The following TTLL11 variants were observed in gnomAD, a reference collection of about 807,000 sequenced individuals.
TTLL11 encodes tubulin polyglutamylase TTLL11.
A neutral mutation model predicts 51.7 loss-of-function variants in TTLL11; 42 were observed. That is an observed-to-expected ratio of 0.81 (90% CI 0.64 to 1.05). The LOEUF (loss-of-function observed/expected upper bound fraction) is 1.05, where lower values mean the gene tolerates loss of function less well. Ranked by LOEUF, TTLL11 falls within the 50% of genes least tolerant of loss-of-function variation. The probability of loss-of-function intolerance (pLI) is 0.00; values close to 1 mark genes in which losing one functional copy is unlikely to be tolerated. For synonymous variants in TTLL11, 381 were observed against 383.5 expected, an observed-to-expected ratio of 0.99 and a Z score of 0.08; for missense variants, 799 against 940.4, an observed-to-expected ratio of 0.85 and a Z score of 1.97.
At chr9:122,077,018 A>G (rs997976707) in intron 1 of TTLL11, among the ~76,000 whole-genome samples, 1 of 152,208 alleles carries the variant, frequency 6.6e-6, no homozygotes, top group Non-Finnish European at 1.5e-5. Context: ...AAACAGTGGC[A>G]TATCTTCAAA....
intron 3 of TTLL11, among the ~76,000 whole-genome samples, chr9:121,990,479 C>T (rs142202710): frequency 6.6e-6 from 1 of 152,280 alleles, no homozygotes; most frequent in Non-Finnish European, 1.5e-5. Flanking sequence ...AAGTGACTTG[C>T]CAGCTAACGC....
chr9:122,021,116 T>C (rs759588215), intron 3 of TTLL11, among the ~76,000 whole-genome samples: 116 of 151,820 alleles, frequency 7.6e-4, no homozygotes, highest in Non-Finnish European at 1.4e-3. Context: ...CAAAATATGT[T>C]AACAGTTTTG....
intron 6 of TTLL11, among the ~76,000 whole-genome samples, chr9:121,959,364 G>A (rs558382111): frequency 1.8e-4 from 27 of 152,128 alleles, no homozygotes; most frequent in African/African-American, 4.1e-4. Flanking sequence ...ATGAGCCCCC[G>A]GCCCATGTAC....
At chr9:121,895,624 T>C (rs1408074917) in intron 6 of TTLL11, among the ~76,000 whole-genome samples, 1 of 150,612 alleles carries the variant, frequency 6.6e-6, no homozygotes, top group African/African-American at 2.4e-5. Flanking sequence ...TGTGAACATG[T>C]GGTCATGTGT....
At position 122,035,025 on chromosome 9, in the gene TTLL11, G is replaced by C. The variant is rs555238189; in HGVS notation, c.560-3169C>G. On this transcript the variant is annotated intron_variant, in intron 2 of 8. Transcript: ENST00000321582. ...TTACCCATTTTTCCGGTGTTCTATTGCTTGTATCCAAATGTTGGTGACCTT... is the reference window on the plus strand; with the variant it reads ...TTACCCATTTTTCCGGTGTTCTATTCCTTGTATCCAAATGTTGGTGACCTT... Among the ~76,000 whole-genome samples, 4 of 152,342 alleles carry C rather than the reference G, an allele frequency of 2.6e-5. No homozygotes were observed. In the East Asian group the frequency reaches 7.7e-4, roughly 29 times the overall value.
At chr9:121,928,821 C>T (rs1840852757) in intron 6 of TTLL11, among the ~76,000 whole-genome samples, 2 of 152,244 alleles carry the variant, frequency 1.3e-5, no homozygotes, top group Middle Eastern at 3.4e-3. Context: ...ATCCTCCCAC[C>T]TTGGCCTCCC....
At chr9:122,021,807 A>G (rs1844189191) in intron 3 of TTLL11, among the ~76,000 whole-genome samples, 1 of 152,204 alleles carries the variant, frequency 6.6e-6, no homozygotes, top group East Asian at 1.9e-4. Flanking sequence ...ACTCCCAGAC[A>G]TGAAAAAAAC....
chr9:121,964,379 C>T (rs918575386), intron 6 of TTLL11, among the ~76,000 whole-genome samples: 5 of 152,002 alleles, frequency 3.3e-5, no homozygotes, highest in Non-Finnish European at 5.9e-5. Context: ...CTCACTGCAA[C>T]CTCTGACTCC....
intron 7 of TTLL11, among the ~76,000 whole-genome samples, chr9:121,861,052 G>A (rs1837989607): frequency 6.6e-6 from 1 of 151,622 alleles, no homozygotes; most frequent in Non-Finnish European, 1.5e-5. Context: ...CTAACAGGCT[G>A]GAAAGAGCAA....
chr9:121,987,936 T>G (rs939430117), intron 4 of TTLL11, among the ~76,000 whole-genome samples: 5 of 152,102 alleles, frequency 3.3e-5, no homozygotes, highest in Non-Finnish European at 5.9e-5. Flanking sequence ...AATTGTCCCC[T>G]TAATCTCTCC....
At chr9:122,056,296 C>T (rs770548928) in intron 1 of TTLL11, among the ~76,000 whole-genome samples, 28 of 152,104 alleles carry the variant, frequency 1.8e-4, no homozygotes, top group Non-Finnish European at 3.4e-4. Context: ...CACATATTAA[C>T]AAAAATTAAT....
At chr9:121,861,933 G>A (rs1838024635) in intron 7 of TTLL11, among the ~76,000 whole-genome samples, 1 of 152,220 alleles carries the variant, frequency 6.6e-6, no homozygotes, top group Admixed American at 6.5e-5. Flanking sequence ...AGCACAGGCT[G>A]GGTCCTTGCT....
intron 8 of TTLL11, among the ~76,000 whole-genome samples, chr9:121,824,681 CG>C (rs1836695902): frequency 6.6e-6 from 1 of 152,002 alleles, no homozygotes; most frequent in African/African-American, 2.4e-5. Context: ...AACTGGAACC[CG>C]GGGATCTAAA....
At chr9:121,957,085 C>A (rs1842041791) in intron 6 of TTLL11, among the ~76,000 whole-genome samples, 1 of 152,194 alleles carries the variant, frequency 6.6e-6, no homozygotes, top group Non-Finnish European at 1.5e-5. Context: ...TCTAATAGGG[C>A]TGTGGTTCTA....
chr9:122,050,863 C>G (rs1041295504), intron 1 of TTLL11, among the ~76,000 whole-genome samples: 1 of 152,148 alleles, frequency 6.6e-6, no homozygotes, highest in Non-Finnish European at 1.5e-5. Context: ...CAGTCAAGTA[C>G]TCAGGGTCTG....
At chr9:122,012,932 T>G (rs1376909148) in intron 3 of TTLL11, among the ~76,000 whole-genome samples, 1 of 152,230 alleles carries the variant, frequency 6.6e-6, no homozygotes, top group Non-Finnish European at 1.5e-5. Context: ...TGCAAATCCT[T>G]TCTTAATATT....
chr9:121,829,194 T>A (rs1564262131), intron 8 of TTLL11, among the ~76,000 whole-genome samples: 1 of 151,910 alleles, frequency 6.6e-6, no homozygotes, highest in Non-Finnish European at 1.5e-5. Flanking sequence ...CCTAAAGCAA[T>A]CCACCCACCT....
intron 1 of TTLL11, among the ~76,000 whole-genome samples, chr9:122,044,835 C>T (rs978853062): frequency 6.6e-6 from 1 of 152,100 alleles, no homozygotes; most frequent in Non-Finnish European, 1.5e-5. Context: ...ACAGGCTGGG[C>T]GAGGTGGCAC....
At position 121,931,583 on chromosome 9, in the gene TTLL11, T is replaced by TAAAAAAAAAAAA. The variant is rs1564311677; in HGVS notation, c.1481+42425_1481+42426insTTTTTTTTTTTT. 6.7e-5 allele frequency among the ~76,000 whole-genome samples: 7 copies of TAAAAAAAAAAAA among 103,828 alleles called. 1 individual carries two copies. Among genetic ancestry groups the TAAAAAAAAAAAA allele is most frequent in the East Asian group, 2.6e-4 (1 of 3,868 alleles). The allele number at this position is 103,828 out of a possible 152,430, so 68.1% of individuals were successfully genotyped here. On this transcript the variant is annotated intron_variant, in intron 6 of 8. Transcript: ENST00000321582. ...CATGGTAAAACCCTGTTTCTACTAT[T>TAAAAAAAAAAAA]TAAAAAAAAAAAAAAAAAAAAAGAA...
Sources: gnomAD v4.1 joint callset for allele counts (sites outside exome capture counted in the v4.1 genomes callset) on GRCh38, gnomAD v4.1.1 for gene constraint, MANE v1.5 for transcripts, NCBI Gene and HGNC (gene_info 2026-07-23, HGNC 2026-07-21) for gene names.